Variants in PARD3B observed in about 807,000 individuals in gnomAD.
PARD3B encodes partitioning defective 3 homolog B.
In PARD3B, 103 loss-of-function variants were observed where a neutral mutation model predicts 130.2. The observed-to-expected ratio is 0.79, with a 90% confidence interval of 0.67 to 0.93. PARD3B has a LOEUF of 0.93. PARD3B is among the 40% of genes least tolerant of loss of function. The probability of loss-of-function intolerance (pLI) is 0.00; values close to 1 mark genes in which losing one functional copy is unlikely to be tolerated. For missense variants in PARD3B, 1,609 were observed against 1,499.2 expected (o/e 1.07, Z -1.21); for synonymous variants, 583 against 553.2 (o/e 1.05, Z -0.76).
intron 10 of PARD3B, among the ~76,000 whole-genome samples, chr2:205,139,051 A>C (rs953483966): frequency 1.3e-5 from 2 of 152,218 alleles, no homozygotes; most frequent in Non-Finnish European, 2.9e-5. Context: ...ATTCTCCCAT[A>C]GAACATGGTT....
intron 18 of PARD3B, among the ~76,000 whole-genome samples, chr2:205,385,908 G>T (rs1230712060): frequency 6.6e-6 from 1 of 152,072 alleles, no homozygotes; most frequent in South Asian, 2.1e-4. Context: ...AAGCCACAGA[G>T]TATTAATTTT....
Position 205,381,049 on chromosome 2 carries a change from T to TGA in PARD3B, c.2631-19964_2631-19963insGA, listed in dbSNP as rs1491321550. Among the ~76,000 whole-genome samples, 11 of 18,692 alleles carry TGA rather than the reference T, an allele frequency of 5.9e-4. 1 individual carries two copies. The highest frequency in any genetic ancestry group is 1.1e-3 in the African/African-American group (6 of 5,596). 12.3% of individuals were successfully genotyped at this position (18,692 alleles called of 152,430 possible). On this transcript the variant is annotated intron_variant, in intron 18 of 22. Coordinates refer to ENST00000406610, the MANE Select transcript of PARD3B (RefSeq NM_001302769.2). The stretch of plus-strand genomic sequence containing the variant: ...ATATATTATATATAAAGAATATATA[T>TGA]TATATATAAAGAATATATATTATAT...
intron 10 of PARD3B, among the ~76,000 whole-genome samples, chr2:205,144,033 G>A (rs1008564637): frequency 6.6e-6 from 1 of 152,166 alleles, no homozygotes; most frequent in African/African-American, 2.4e-5. Flanking sequence ...TCAAATTGCA[G>A]CATTATATAG....
At chr2:204,605,308 G>A (rs2033671912) in intron 1 of PARD3B, among the ~76,000 whole-genome samples, 1 of 152,104 alleles carries the variant, frequency 6.6e-6, no homozygotes, top group Admixed American at 6.6e-5. Flanking sequence ...ATAGGCAGAA[G>A]GCACATTGCT....
chr2:204,656,897 T>G (rs1260429121), intron 1 of PARD3B, among the ~76,000 whole-genome samples: 1 of 152,200 alleles, frequency 6.6e-6, no homozygotes, highest in African/African-American at 2.4e-5. Context: ...ATTTCACTTT[T>G]GTCTGTGCCT....
chr2:204,574,995 A>G (rs750289794), intron 1 of PARD3B, among the ~76,000 whole-genome samples: 4 of 150,740 alleles, frequency 2.7e-5, no homozygotes, highest in African/African-American at 4.9e-5. Context: ...TGCTTTAGTT[A>G]TGGGTTTTTT....
chr2:204,802,074 A>G (rs927667739), intron 2 of PARD3B, among the ~76,000 whole-genome samples: 1 of 152,212 alleles, frequency 6.6e-6, no homozygotes, highest in Admixed American at 6.5e-5. Context: ...TGTAGTGGAT[A>G]AGATTTTTGA....
intron 18 of PARD3B, among the ~76,000 whole-genome samples, chr2:205,370,985 T>C (rs13015412): frequency 0.56 from 85,562 of 151,974 alleles, 27,697 homozygotes; most frequent in South Asian, 0.76. Flanking sequence ...TGTGGGCACC[T>C]TGCTATTGCT....
rs1482911269 is a variant in PARD3B, at chr2:205,265,872, A to G, written c.2185+20050A>G. 6.6e-6 allele frequency among the ~76,000 whole-genome samples: 1 copy of G among 152,048 alleles called. No homozygotes were observed. Among genetic ancestry groups the G allele is most frequent in the Non-Finnish European group, 1.5e-5 (1 of 67,934 alleles). On this transcript the variant is annotated intron_variant, in intron 16 of 22. Transcript: ENST00000406610. This position sits in a 1 kb window ranked among gnomAD's most constrained non-coding sequence, Gnocchi z 4.3. Reference sequence around the variant, plus strand: ...AGTAGAGTTTAGAAATCTTCTGTTCATACAGATTTTTATCATTTTAGTACT... The same window carrying G: ...AGTAGAGTTTAGAAATCTTCTGTTCGTACAGATTTTTATCATTTTAGTACT...
At chr2:205,443,575 A>T (rs1394624847) in intron 20 of PARD3B, among the ~76,000 whole-genome samples, 1 of 152,206 alleles carries the variant, frequency 6.6e-6, no homozygotes, top group Non-Finnish European at 1.5e-5. Flanking sequence ...AACAGAGGTG[A>T]TATTTGAACT....
At position 205,564,946 on chromosome 2, in the gene PARD3B, C is replaced by T. The variant is rs934947322; in HGVS notation, c.3260+11543C>T. ...CCAGAGGGTTGCCCCACTCTGCAAT[C>T]AGAACTGACCCTTATGGCCGAACAT... On this transcript the variant is annotated intron_variant, in intron 22 of 22. Transcript: ENST00000406610. The surrounding 1 kb of genome is among the most constrained non-coding windows in gnomAD (Gnocchi z 4.6). Among the ~76,000 whole-genome samples, 5 of 152,190 alleles carry T rather than the reference C, an allele frequency of 3.3e-5. No homozygotes were observed. Among genetic ancestry groups the T allele is most frequent in the Non-Finnish European group, 7.3e-5 (5 of 68,050 alleles).
At chr2:205,394,056 T>C (rs2045944995) in intron 18 of PARD3B, among the ~76,000 whole-genome samples, 1 of 152,198 alleles carries the variant, frequency 6.6e-6, no homozygotes, top group Middle Eastern at 3.2e-3. Flanking sequence ...TGACAATTTA[T>C]GTTGTTAATG....
In PARD3B at chr2:205,125,225, A is replaced by G. The variant is rs2031239471; in HGVS notation, c.1306-384A>G. On this transcript the variant is annotated intron_variant, in intron 9 of 22. Coordinates refer to ENST00000406610, the MANE Select transcript of PARD3B (RefSeq NM_001302769.2). The surrounding 1 kb of genome is among the most constrained non-coding windows in gnomAD (Gnocchi z 4.0). ...TGCAGGATTCTATTGCTAGGTTCGT[A>G]TTTGCAGAGAAATTTGCCTTGTGAT... is the stretch of plus-strand genomic sequence containing the variant. 1.3e-5 allele frequency among the ~76,000 whole-genome samples: 2 copies of G among 152,174 alleles called. No homozygotes were observed. Among genetic ancestry groups the G allele is most frequent in the Admixed American group, 1.3e-4 (2 of 15,284 alleles).
chr2:205,604,900 C>A (rs770055829), intron 22 of PARD3B, among the ~76,000 whole-genome samples: 1 of 152,058 alleles, frequency 6.6e-6, no homozygotes, highest in Non-Finnish European at 1.5e-5. Context: ...GGAATTTGTT[C>A]ATTCCTTTTC....
intron 22 of PARD3B, among the ~76,000 whole-genome samples, chr2:205,582,334 C>T (rs949796230): frequency 2.6e-5 from 4 of 151,962 alleles, no homozygotes; most frequent in South Asian, 2.1e-4. Context: ...TGAGAAATAA[C>T]GAACGGAAAC....
intron 22 of PARD3B, among the ~76,000 whole-genome samples, chr2:205,579,826 T>C (rs1228407436): frequency 6.6e-6 from 1 of 152,218 alleles, no homozygotes; most frequent in Non-Finnish European, 1.5e-5. Flanking sequence ...TATTCTTTTT[T>C]AATTTTTGAG....
intron 1 of PARD3B, among the ~76,000 whole-genome samples, chr2:204,679,517 A>G (rs977186973): frequency 5.9e-5 from 9 of 152,180 alleles, no homozygotes; most frequent in South Asian, 2.1e-4. Context: ...GACAAGATCA[A>G]TATCTTCACA....
intron 13 of PARD3B, among the ~76,000 whole-genome samples, chr2:205,184,863 CTG>C (rs1460791695): frequency 5.3e-5 from 8 of 152,170 alleles, no homozygotes; most frequent in African/African-American, 1.7e-4. Context: ...GCTTTAAAAA[CTG>C]AGGCTTGGAG....
At chr2:205,434,073 C>G (rs1389097130) in intron 19 of PARD3B, among the ~76,000 whole-genome samples, 20 of 152,166 alleles carry the variant, frequency 1.3e-4, no homozygotes, top group Non-Finnish European at 7.3e-5. Flanking sequence ...TGAAAGAACT[C>G]CTAGACCTTT....
Sources: allele counts gnomAD v4.1 joint callset (sites outside exome capture counted in the v4.1 genomes callset), GRCh38; gene constraint gnomAD v4.1.1; non-coding constraint Gnocchi (gnomAD v3.1); transcripts MANE v1.5; gene names NCBI Gene and HGNC (gene_info 2026-07-23, HGNC 2026-07-21).